Variants in CFAP20DC observed in about 807,000 individuals in gnomAD.
CFAP20DC encodes the protein protein CFAP20DC.
A neutral mutation model predicts 101.7 loss-of-function variants in CFAP20DC; 84 were observed. The observed-to-expected ratio is 0.83, with a 90% CI of 0.69 to 0.99. The LOEUF is 0.99. Ranked by LOEUF, CFAP20DC falls within the 50% of genes least tolerant of loss-of-function variation. CFAP20DC has a pLI of 0.00. For missense variants in CFAP20DC, 1,007 were observed against 970.3 expected, an observed-to-expected ratio of 1.04 and a Z score of -0.50; for synonymous variants, 359 against 351.2, an observed-to-expected ratio of 1.02 and a Z score of -0.25.
intron 15 of CFAP20DC, among the ~76,000 whole-genome samples, chr3:58,801,740 G>T (rs1156588490): frequency 6.6e-6 from 1 of 152,150 alleles, no homozygotes; most frequent in Non-Finnish European, 1.5e-5. Flanking sequence ...TGAGGTCAGT[G>T]GTTATTAATC....
intron 15 of CFAP20DC, among the ~76,000 whole-genome samples, chr3:58,779,466 A>T (rs1290107745): frequency 6.6e-6 from 1 of 152,214 alleles, no homozygotes; most frequent in Admixed American, 6.5e-5. Flanking sequence ...GGATACAACC[A>T]TCTAAATATC....
chr3:58,797,276 C>T (rs1470311426), intron 15 of CFAP20DC, among the ~76,000 whole-genome samples: 1 of 152,074 alleles, frequency 6.6e-6, no homozygotes, highest in East Asian at 1.9e-4. Context: ...GAAGGAAATT[C>T]GAAGTACTTA....
intron 14 of CFAP20DC, among the ~76,000 whole-genome samples, chr3:58,815,108 T>C (rs1281298570): frequency 5.3e-5 from 8 of 150,602 alleles, no homozygotes; most frequent in Admixed American, 4.6e-4. Flanking sequence ...CTTCAAACTA[T>C]ACTACAAGGC....
At chr3:58,790,966 G>A (rs954042683) in intron 15 of CFAP20DC, among the ~76,000 whole-genome samples, 1 of 152,072 alleles carries the variant, frequency 6.6e-6, no homozygotes, top group Non-Finnish European at 1.5e-5. Flanking sequence ...TTATTGTTCT[G>A]GAAACAGAAC....
intron 15 of CFAP20DC, among the ~76,000 whole-genome samples, chr3:58,782,314 AG>A (rs1232730392): frequency 6.6e-6 from 1 of 152,074 alleles, no homozygotes; most frequent in South Asian, 2.1e-4. Context: ...TGACACACCC[AG>A]AGCTAACATC....
chr3:58,840,083 A>C (rs1358494408), intron 13 of CFAP20DC, among the ~76,000 whole-genome samples: 3 of 152,212 alleles, frequency 2.0e-5, no homozygotes, highest in Non-Finnish European at 4.4e-5. Context: ...TTACACCTGG[A>C]AAATTTCTAT....
Position 58,935,880 on chromosome 3 carries a change from G to A in CFAP20DC, c.393+1768C>T, listed in dbSNP as rs1184065057. On this transcript the variant is annotated intron_variant, in intron 5 of 16. Transcript: ENST00000482387. ...AGGCATGGGCAAGGACTTCATGTCT[G>A]AAACACCAAAAGCAATGGCAACAAA... Among the ~76,000 whole-genome samples the A allele has an allele frequency of 3.4e-4, 51 of 152,132 alleles. No homozygotes were observed. In the Middle Eastern group the frequency reaches 0.014, roughly 41 times the overall value.
intron 15 of CFAP20DC, among the ~76,000 whole-genome samples, chr3:58,760,672 T>G (rs2069472691): frequency 6.6e-6 from 1 of 152,194 alleles, no homozygotes; most frequent in African/African-American, 2.4e-5. Flanking sequence ...GCTGTGGGAT[T>G]GTCATAAATA....
intron 3 of CFAP20DC, among the ~76,000 whole-genome samples, chr3:58,723,689 T>C (rs2067505113): frequency 1.3e-5 from 2 of 152,236 alleles, no homozygotes; most frequent in African/African-American, 4.8e-5. Context: ...CTTTGGCAGA[T>C]CCCATTCTCT....
At position 58,761,057 on chromosome 3, in the gene CFAP20DC, G is replaced by C. The variant is rs536894404; in HGVS notation, c.2238-7194C>G. Among the ~76,000 whole-genome samples, 444 of 152,332 alleles carry C rather than the reference G, an allele frequency of 2.9e-3. 3 individuals are homozygous for C. The highest frequency in any genetic ancestry group is 0.01 in the African/African-American group (428 of 41,570). ...GGATGATGCTGGCCTCATAAAATGA[G>C]TTAGGGAGGATTCCCTCTTTTTCTA... On this transcript the variant is annotated intron_variant, in intron 15 of 16. Transcript: ENST00000482387.
At chr3:59,013,846 A>C (rs1326632659) in intron 4 of CFAP20DC, among the ~76,000 whole-genome samples, 1 of 152,194 alleles carries the variant, frequency 6.6e-6, no homozygotes, top group Non-Finnish European at 1.5e-5. Context: ...TACTGTTTGA[A>C]TATAAAAAAC....
At position 58,927,950 on chromosome 3, in the gene CFAP20DC, G is replaced by C. The variant is rs138211191; in HGVS notation, c.393+9698C>G. Among the ~76,000 whole-genome samples the C allele has an allele frequency of 4.6e-5, 7 of 152,314 alleles. No individual in the cohort carries two copies. The East Asian group carries it at 7.7e-4, about 17-fold the overall frequency. On this transcript the variant is annotated intron_variant, in intron 5 of 16. Transcript: ENST00000482387. The stretch of plus-strand genomic sequence containing the variant: ...GCACCTCTTGGATTGGGAGGAATGA[G>C]AGCAAGTTTTCAAACCAAATTTCTT...
intron 4 of CFAP20DC, among the ~76,000 whole-genome samples, chr3:59,032,078 C>T (rs1477699043): frequency 6.6e-6 from 1 of 152,156 alleles, no homozygotes; most frequent in African/African-American, 2.4e-5. Flanking sequence ...GTCACCTCAC[C>T]TGGGAAGCAC....
chr3:58,878,923 G>T (rs2080998845), intron 7 of CFAP20DC, among the ~76,000 whole-genome samples: 1 of 151,974 alleles, frequency 6.6e-6, no homozygotes, highest in Non-Finnish European at 1.5e-5. Context: ...CGGGAGAACG[G>T]CGTGAACCCG....
At chr3:58,811,334 A>T (rs1367271168) in intron 14 of CFAP20DC, among the ~76,000 whole-genome samples, 2 of 152,156 alleles carry the variant, frequency 1.3e-5, no homozygotes, top group Non-Finnish European at 2.9e-5. Context: ...CCAAAACAGC[A>T]TGGTACTGGT....
chr3:59,000,505 A>C (rs2093278399), intron 4 of CFAP20DC, among the ~76,000 whole-genome samples: 1 of 152,218 alleles, frequency 6.6e-6, no homozygotes, highest in Non-Finnish European at 1.5e-5. Context: ...TCTGGAAATA[A>C]AATCTTTACC....
chr3:58,987,799 A>G (rs1180896380), intron 4 of CFAP20DC, among the ~76,000 whole-genome samples: 2 of 151,952 alleles, frequency 1.3e-5, no homozygotes, highest in Non-Finnish European at 2.9e-5. Context: ...AAACTTAAAA[A>G]TACCTATAAC....
At chr3:58,950,343 A>G (rs1027775918) in intron 4 of CFAP20DC, among the ~76,000 whole-genome samples, 1 of 152,184 alleles carries the variant, frequency 6.6e-6, no homozygotes, top group African/African-American at 2.4e-5. Flanking sequence ...GCCCAAGGTA[A>G]TTTATATATT....
At chr3:58,770,426 A>C (rs1168592063) in intron 15 of CFAP20DC, among the ~76,000 whole-genome samples, 1 of 152,208 alleles carries the variant, frequency 6.6e-6, no homozygotes, top group East Asian at 1.9e-4. Context: ...CACTAGACCA[A>C]TATTTATAAG....
Sources: gnomAD v4.1 joint callset for allele counts (sites outside exome capture counted in the v4.1 genomes callset) on GRCh38, gnomAD v4.1.1 for gene constraint, MANE v1.5 for transcripts, NCBI Gene and HGNC (gene_info 2026-07-23, HGNC 2026-07-21) for gene names.